Variants in HDAC9 observed in about 807,000 individuals in gnomAD.
The protein encoded by HDAC9 is MEF-2 interacting transcription repressor (MITR) protein.
In HDAC9, 41 loss-of-function variants were observed where a neutral mutation model predicts 139.4. The observed-to-expected ratio is 0.29, with a 90% CI of 0.23 to 0.38. The LOEUF is 0.38. Among genes scored for constraint, HDAC9 ranks in the 10% least tolerant of loss-of-function variants. The probability of loss-of-function intolerance (pLI) is 1.00; values close to 1 mark genes in which losing one functional copy is unlikely to be tolerated. For synonymous variants in HDAC9, 517 were observed against 476.2 expected (o/e 1.09, Z -1.12); for missense variants, 1,147 against 1,297.0 (o/e 0.88, Z 1.78).
At position 18,805,243 on chromosome 7, in the gene HDAC9, C is replaced by CT. The variant is rs562906018; in HGVS notation, c.2322+11795dup. Among the ~76,000 whole-genome samples, 826 of 152,306 alleles carry CT rather than the reference C, an allele frequency of 5.4e-3. 8 individuals carry two copies. Among genetic ancestry groups the CT allele is most frequent in the Non-Finnish European group, 0.01 (692 of 68,026 alleles). On this transcript the variant is annotated intron_variant, in intron 17 of 25. Coordinates refer to ENST00000686413, the MANE Select transcript of HDAC9 (RefSeq NM_178425.4). Reference sequence around the variant, plus strand: ...TCATGTCCACAAACAGGAGGAGTAGCTTTTCAGTCTTTAACTTGTTGCATG... The same window carrying CT: ...TCATGTCCACAAACAGGAGGAGTAGCTTTTTCAGTCTTTAACTTGTTGCATG...
intron 2 of HDAC9, among the ~76,000 whole-genome samples, chr7:18,252,908 G>A (rs145430552): frequency 7.2e-5 from 11 of 151,950 alleles, no homozygotes; most frequent in Non-Finnish European, 1.0e-4. Flanking sequence ...CTTCGTGACC[G>A]TCTCCCTCTT....
chr7:18,285,765 T>G (rs1336614700), upstream of HDAC9, among the ~76,000 whole-genome samples: 1 of 152,108 alleles, frequency 6.6e-6, no homozygotes, highest in Non-Finnish European at 1.5e-5. Flanking sequence ...CAAGTACATA[T>G]TTAGACACTT....
At chr7:18,354,463 G>A (rs184486663) in intron 1 of HDAC9, among the ~76,000 whole-genome samples, 1 of 152,090 alleles carries the variant, frequency 6.6e-6, no homozygotes, top group Non-Finnish European at 1.5e-5. Context: ...AGAATTAATC[G>A]CAACTAATGT....
At chr7:18,263,574 G>A (rs1357995013) in intron 2 of HDAC9, among the ~76,000 whole-genome samples, 2 of 151,628 alleles carry the variant, frequency 1.3e-5, no homozygotes, top group African/African-American at 2.4e-5. Context: ...CCTCATCCCT[G>A]TGGACTCAGA....
intron 22 of HDAC9, among the ~76,000 whole-genome samples, chr7:18,921,260 C>T (rs1412582370): frequency 1.3e-5 from 2 of 152,140 alleles, no homozygotes; most frequent in Non-Finnish European, 2.9e-5. Flanking sequence ...AGAGCTTCTG[C>T]ACAGCAAACG....
chr7:18,138,305 A>T (rs555482775), intron 1 of HDAC9, among the ~76,000 whole-genome samples: 4 of 152,154 alleles, frequency 2.6e-5, no homozygotes, highest in African/African-American at 9.6e-5. Context: ...ATGAGCCCTG[A>T]TCTATTAATA....
rs571497057 is a variant in HDAC9 at position 18,190,886 on chromosome 7, T to C, written c.25+28537T>C. On this transcript the variant is annotated intron_variant, in intron 2 of 12. Coordinates refer to the HDAC9 transcript ENST00000417496. ...GTTTTACCTTTGTAAACTCCTACCT[T>C]TGTAAAACATGCGGAATATTATTTA... 1.5e-3 allele frequency among the ~76,000 whole-genome samples: 228 copies of C among 152,322 alleles called. 1 individual carries two copies. Among genetic ancestry groups the C allele is most frequent in the African/African-American group, 5.3e-3 (221 of 41,574 alleles).
chr7:18,460,279 C>T (rs755596378), intron 1 of HDAC9, among the ~76,000 whole-genome samples: 14 of 151,962 alleles, frequency 9.2e-5, no homozygotes, highest in Non-Finnish European at 1.5e-4. Context: ...ATTATTTGTA[C>T]TTGTGTTTGT....
At chr7:18,893,646 G>A (rs997802803) in intron 22 of HDAC9, among the ~76,000 whole-genome samples, 14 of 152,170 alleles carry the variant, frequency 9.2e-5, no homozygotes, top group Non-Finnish European at 1.5e-4. Context: ...CATCGTCACT[G>A]AAAGTTCTTT....
chr7:18,648,131 A>T, intron 10 of HDAC9, 133 bp downstream of exon 10: 1 of 710,244 alleles, frequency 1.4e-6, no homozygotes, highest in Non-Finnish European at 2.3e-6. Flanking sequence ...GATACCTGGT[A>T]CTGTGGGAAA....
chr7:18,341,665 G>C (rs1782022769), intron 1 of HDAC9, among the ~76,000 whole-genome samples: 1 of 151,228 alleles, frequency 6.6e-6, no homozygotes, highest in Non-Finnish European at 1.5e-5. Context: ...GTTTCAATGT[G>C]TTTTTTTCTA....
chr7:18,196,605 G>C (rs1790742661), intron 2 of HDAC9, among the ~76,000 whole-genome samples: 1 of 152,146 alleles, frequency 6.6e-6, no homozygotes. Context: ...ATTATGTAAA[G>C]CAATATATAA....
At chr7:18,664,540 G>T (rs1794225187) in intron 11 of HDAC9, among the ~76,000 whole-genome samples, 1 of 151,792 alleles carries the variant, frequency 6.6e-6, no homozygotes, top group Admixed American at 6.6e-5. Flanking sequence ...TAGCCTTTTG[G>T]TGACTTAGAT....
intron 12 of HDAC9, among the ~76,000 whole-genome samples, chr7:18,702,396 G>A (rs916547027): frequency 2.6e-5 from 4 of 152,224 alleles, no homozygotes; most frequent in Admixed American, 1.3e-4. Context: ...AGCACCTCCA[G>A]AGAGTGGATG....
chr7:18,696,571 G>A (rs1302009486), intron 12 of HDAC9, among the ~76,000 whole-genome samples: 1 of 151,456 alleles, frequency 6.6e-6, no homozygotes, highest in African/African-American at 2.4e-5. Flanking sequence ...GGGTTCAAGC[G>A]ATTCTCTTGC....
intron 21 of HDAC9, among the ~76,000 whole-genome samples, chr7:18,842,409 A>G (rs1381176696): frequency 2.6e-5 from 4 of 152,130 alleles, no homozygotes; most frequent in African/African-American, 7.2e-5. Flanking sequence ...GTGGGCTTCA[A>G]TCTGAACTTG....
chr7:18,933,802 A>T (rs1781430076), intron 22 of HDAC9, among the ~76,000 whole-genome samples: 1 of 152,168 alleles, frequency 6.6e-6, no homozygotes, highest in Admixed American at 6.5e-5. Context: ...AGGAGTTAAG[A>T]AAGTATCATA....
At chr7:18,940,555 A>C (rs975024494) in intron 23 of HDAC9, among the ~76,000 whole-genome samples, 6 of 152,206 alleles carry the variant, frequency 3.9e-5, no homozygotes, top group Admixed American at 1.3e-4. Context: ...CAAGAAATTG[A>C]AGTGAATATT....
intron 17 of HDAC9, among the ~76,000 whole-genome samples, chr7:18,815,403 C>A (rs1481116228): frequency 1.3e-5 from 2 of 152,142 alleles, no homozygotes. Context: ...TATTGCCTTA[C>A]CAAGACCACA....
Sources: allele counts gnomAD v4.1 joint callset (sites outside exome capture counted in the v4.1 genomes callset), GRCh38; gene constraint gnomAD v4.1.1; transcripts MANE v1.5; gene names NCBI Gene and HGNC (gene_info 2026-07-23, HGNC 2026-07-21).